Variants in MTG1 observed in about 807,000 individuals in gnomAD.
MTG1 encodes the protein mitochondrial ribosome-associated GTPase 1.
Under a neutral mutation model 39.5 loss-of-function variants are expected in MTG1, and 30 were observed. The observed-to-expected ratio is 0.76, with a 90% CI of 0.57 to 1.03. The LOEUF is 1.03. Ranked by LOEUF, MTG1 falls within the 50% of genes least tolerant of loss-of-function variation. The pLI is 0.00. For synonymous variants in MTG1, 217 were observed against 179.0 expected, an observed-to-expected ratio of 1.21 and a Z score of -1.69; for missense variants, 513 against 447.4, an observed-to-expected ratio of 1.15 and a Z score of -1.32.
chr10:133,408,239 C>G (rs188416072), intron 9 of MTG1, among the ~76,000 whole-genome samples: 1 of 152,116 alleles, frequency 6.6e-6, no homozygotes, highest in Non-Finnish European at 1.5e-5. Context: ...TGTGTTCCTT[C>G]TATACTCAGT....
intron 9 of MTG1, among the ~76,000 whole-genome samples, chr10:133,410,662 C>T (rs184200595): frequency 1.3e-5 from 2 of 152,284 alleles, no homozygotes; most frequent in East Asian, 3.9e-4. Context: ...ACCCTAGGTA[C>T]TCAGGAGGCT....
intron 9 of MTG1, among the ~76,000 whole-genome samples, chr10:133,419,069 A>G (rs1850182226): frequency 6.6e-6 from 1 of 152,170 alleles, no homozygotes; most frequent in Admixed American, 6.5e-5. Context: ...CAGCAAACAG[A>G]GTATGTTTGC....
chr10:133,394,704 CTT>C, intron 1 of MTG1: 1 of 1,062,170 alleles, frequency 9.4e-7, no homozygotes, highest in Non-Finnish European at 1.1e-6. Context: ...TTTTCTGAGT[CTT>C]TTGGGGACTA....
intron 9 of MTG1, among the ~76,000 whole-genome samples, chr10:133,411,229 C>G (rs1850041558): frequency 6.6e-6 from 1 of 151,926 alleles, no homozygotes; most frequent in South Asian, 2.1e-4. Flanking sequence ...TTTCCTTCAG[C>G]ACTTTGAATA....
Position 133,402,817 on chromosome 10 carries a change from T to C in MTG1, c.752+44T>C. ...GGGCAGCTGGGGCCCCTCCTCCTAG[T>C]CACCTCATTTAAAAAAAAAAAACAA... On this transcript the variant is annotated intron_variant, in intron 9 of 10. Coordinates refer to ENST00000317502, the MANE Select transcript of MTG1 (RefSeq NM_138384.4). The surrounding 1 kb of genome is among the most constrained non-coding windows in gnomAD (Gnocchi z 4.7). The C allele has an allele frequency of 1.4e-6, 2 of 1,390,084 alleles. No individual in the cohort carries two copies. Among genetic ancestry groups the C allele is most frequent in the Non-Finnish European group, 2.0e-6 (2 of 1,023,362 alleles). 86.1% of individuals were successfully genotyped at this position (1,390,084 alleles called of 1,614,324 possible).
chr10:133,409,496 GTT>G (rs1850014846), intron 9 of MTG1, among the ~76,000 whole-genome samples: 1 of 152,166 alleles, frequency 6.6e-6, no homozygotes, highest in Non-Finnish European at 1.5e-5. Flanking sequence ...AAGAATGTGT[GTT>G]TTGCAGCAGT....
chr10:133,399,393 G>A (rs1849835814), intron 5 of MTG1, 136 bp from the exon 6 acceptor site: 3 of 1,180,326 alleles, frequency 2.5e-6, no homozygotes, highest in Non-Finnish European at 2.5e-6. Flanking sequence ...CCCGCTGGGT[G>A]GGCAGAGCCT....
At chr10:133,397,451 T>G (rs905196038) in intron 3 of MTG1, among the ~76,000 whole-genome samples, 4 of 150,756 alleles carry the variant, frequency 2.7e-5, no homozygotes, top group African/African-American at 7.4e-5. Context: ...CAGCTGTCTT[T>G]TCTTTTATCT....
At position 133,421,813 on chromosome 10, in the gene MTG1, G is replaced by C. The variant is rs886208005; in HGVS notation, c.*1648G>C. The C allele has an allele frequency of 6.5e-6, 1 of 152,834 alleles. No individual in the cohort carries two copies. The highest frequency in any genetic ancestry group is 1.5e-5 in the Non-Finnish European group (1 of 68,470). The allele number at this position is 152,834 out of a possible 1,614,324, so 9.5% of individuals were successfully genotyped here. On this transcript the variant is annotated 3_prime_UTR_variant, in exon 11 of 11. Coordinates refer to ENST00000317502, the MANE Select transcript of MTG1 (RefSeq NM_138384.4). ...TGGTCTTGACTTTGGTGTCCACTGA[G>C]TCCCGAGGCTCAGGCCCAGGAGGGA...
chr10:133,410,891 G>A (rs572470295), intron 9 of MTG1, among the ~76,000 whole-genome samples: 10 of 151,410 alleles, frequency 6.6e-5, no homozygotes, highest in African/African-American at 1.2e-4. Flanking sequence ...AAATTTTCAC[G>A]TTTTCTTATT....
chr10:133,402,407 T>C lies in MTG1; in HGVS notation c.670+162T>C. 1.2e-6 allele frequency: 1 copy of C among 807,456 alleles called. No homozygotes were observed. The highest frequency in any genetic ancestry group is 2.7e-5 in the East Asian group (1 of 37,688). The allele number at this position is 807,456 out of a possible 1,614,324, so 50.0% of individuals were successfully genotyped here. A position where few individuals can be genotyped will look rare whatever the true frequency, so the allele number is the denominator to read the frequency against. On this transcript the variant is annotated intron_variant, in intron 8 of 10. Transcript: ENST00000317502. The surrounding 1 kb of genome is among the most constrained non-coding windows in gnomAD (Gnocchi z 4.7). ...AAGCTTAGTGTGAGAGCTGTAATAG[T>C]GCACAGCTGACAGGCACTGGTCACC...
intron 6 of MTG1, among the ~76,000 whole-genome samples, chr10:133,401,114 T>A (rs1225189987): frequency 6.6e-6 from 1 of 152,202 alleles, no homozygotes; most frequent in African/African-American, 2.4e-5. Flanking sequence ...GGAGGCAGGC[T>A]GACCTTGGGG....
intron 9 of MTG1, among the ~76,000 whole-genome samples, chr10:133,406,145 A>G (rs1849967556): frequency 6.6e-6 from 1 of 152,334 alleles, no homozygotes; most frequent in South Asian, 2.1e-4. Context: ...CTTTTGAGAA[A>G]TAATTATTCA....
intron 9 of MTG1, among the ~76,000 whole-genome samples, chr10:133,409,067 CTCT>C (rs578254614): frequency 7.9e-4 from 118 of 150,110 alleles, no homozygotes; most frequent in South Asian, 1.1e-3. Context: ...TCTGTTATTT[CTCT>C]TCTTCTACTA....
chr10:133,415,997 C>T (rs1170347152), intron 9 of MTG1, among the ~76,000 whole-genome samples: 1 of 134,488 alleles, frequency 7.4e-6, no homozygotes, highest in Non-Finnish European at 1.6e-5. Context: ...ACGCGGGTGT[C>T]GGGCAGGCGG....
chr10:133,405,004 C>G (rs1386022758), intron 9 of MTG1, among the ~76,000 whole-genome samples: 1 of 152,154 alleles, frequency 6.6e-6, no homozygotes, highest in African/African-American at 2.4e-5. Context: ...TTTCCTGGTT[C>G]TTTGTATTCT....
intron 9 of MTG1, among the ~76,000 whole-genome samples, chr10:133,415,257 GC>G (rs1354472904): frequency 6.6e-6 from 1 of 152,188 alleles, no homozygotes; most frequent in Non-Finnish European, 1.5e-5. Context: ...GACGGGTCCT[GC>G]ACTCATTTCT....
intron 6 of MTG1, 169 bp from the exon 7 acceptor site, chr10:133,401,360 G>A: frequency 1.9e-6 from 1 of 531,740 alleles, no homozygotes; most frequent in South Asian, 3.2e-5. Context: ...TTTCCATTTT[G>A]GCCAGATATG....
At chr10:133,398,566 A>G (rs1240758560) in intron 4 of MTG1, 51 bp downstream of exon 4, 6 of 1,568,938 alleles carry the variant, frequency 3.8e-6, no homozygotes, top group Non-Finnish European at 4.3e-6. Flanking sequence ...AGTAGGTTCG[A>G]GGAGCATTAT....
Sources: allele counts gnomAD v4.1 joint callset (sites outside exome capture counted in the v4.1 genomes callset), GRCh38; gene constraint gnomAD v4.1.1; non-coding constraint Gnocchi (gnomAD v3.1); transcripts MANE v1.5; gene names NCBI Gene and HGNC (gene_info 2026-07-23, HGNC 2026-07-21).